SCNN1A: variants seen among roughly 807,000 people sequenced by gnomAD.
SCNN1A encodes epithelial sodium channel subunit alpha.
In SCNN1A, 65 loss-of-function variants were observed where a neutral mutation model predicts 68.6. That is an observed-to-expected ratio of 0.95 (90% CI 0.78 to 1.16). The LOEUF (loss-of-function observed/expected upper bound fraction) is 1.16. SCNN1A is among the 50% of genes most tolerant of loss of function. SCNN1A has a pLI of 0.00. For synonymous variants in SCNN1A, 357 were observed against 353.3 expected, an observed-to-expected ratio of 1.01 and a Z score of -0.12; for missense variants, 880 against 865.9, an observed-to-expected ratio of 1.02 and a Z score of -0.20.
intron 2 of SCNN1A, among the ~76,000 whole-genome samples, chr12:6,371,543 G>A: frequency 8.0e-6 from 1 of 124,462 alleles, no homozygotes; most frequent in Admixed American, 8.1e-5. Flanking sequence ...GGGGGTGGGG[G>A]TGAGGGTGGA....
intron 4 of SCNN1A, chr12:6,356,377 T>C (rs1389105913): frequency 1.9e-5 from 4 of 208,294 alleles, no homozygotes; most frequent in East Asian, 2.2e-4. Flanking sequence ...TCTGGGTTAG[T>C]TGCATAGATC....
chr12:6,360,945 C>T (rs557904589), intron 4 of SCNN1A, among the ~76,000 whole-genome samples: 19 of 152,354 alleles, frequency 1.2e-4, no homozygotes, highest in African/African-American at 3.8e-4. Context: ...GGGCAAGTCA[C>T]TTCACCTGTT....
chr12:6,354,423 TC>T lies in SCNN1A; in HGVS notation c.1360+14del, dbSNP rs1247106178. On this transcript the variant is annotated intron_variant, in intron 8 of 12. Transcript: ENST00000228916. The stretch of plus-strand genomic sequence containing the variant: ...GGGGTCAGTGGGGCAGGGTGGGGGC[TC>T]CCTGGAGTCTCACCCCAGGAACTGT... The T allele has an allele frequency of 1.3e-6, 2 of 1,564,726 alleles. No homozygotes were observed. The highest frequency in any genetic ancestry group is 2.2e-5 in the East Asian group (1 of 44,614).
chr12:6,365,448 T>C (rs1948660195), intron 2 of SCNN1A, among the ~76,000 whole-genome samples: 1 of 152,260 alleles, frequency 6.6e-6, no homozygotes, highest in South Asian at 2.1e-4. Flanking sequence ...CTCCTGACTT[T>C]AGTATTTACT....
chr12:6,355,126 C>A, intron 6 of SCNN1A, 146 bp downstream of exon 6: 1 of 930,404 alleles, frequency 1.1e-6, no homozygotes, highest in South Asian at 1.4e-5. Flanking sequence ...CAGTGCCAGC[C>A]CCTCTGCCCC....
rs573376286 is a variant in SCNN1A, at chr12:6,354,437, C to A, written c.1360+1G>T. 4 of 1,607,750 alleles carry A rather than the reference C, an allele frequency of 2.5e-6. No individual in the cohort carries two copies. Among genetic ancestry groups the A allele is most frequent in the Non-Finnish European group, 2.6e-6 (3 of 1,175,730 alleles). On this transcript the variant is annotated splice_donor_variant, in intron 8 of 12. Coordinates refer to ENST00000228916, the MANE Select transcript of SCNN1A (RefSeq NM_001038.6). LOFTEE classifies it high-confidence loss of function. ...AGGGTGGGGGCTCCCTGGAGTCTCA[C>A]CCCAGGAACTGTGCTTTCTGTAGTC...
intron 1 of SCNN1A, chr12:6,375,179 T>G: frequency 6.9e-7 from 1 of 1,454,942 alleles, no homozygotes; most frequent in Non-Finnish European, 9.0e-7. Context: ...CCAGGATCTG[T>G]GTCTCAGCTC....
At chr12:6,359,477 G>A (rs906305561) in intron 4 of SCNN1A, among the ~76,000 whole-genome samples, 3 of 152,146 alleles carry the variant, frequency 2.0e-5, no homozygotes, top group African/African-American at 7.2e-5. Context: ...GATCCTAGCT[G>A]GGAGGTGTTT....
In SCNN1A at chr12:6,351,869, C is replaced by T. The variant is rs892360230; in HGVS notation, c.1361-2464G>A. On this transcript the variant is annotated intron_variant, in intron 8 of 12. Coordinates refer to ENST00000228916, the MANE Select transcript of SCNN1A (RefSeq NM_001038.6). The surrounding 1 kb of genome is among the most constrained non-coding windows in gnomAD (Gnocchi z 4.2). ...TGACCTCCTGGGCTCAGGTGATTCT[C>T]CCAGCTCAGCCTCCCAAGTGGCTGG... Among the ~76,000 whole-genome samples, 5 of 152,034 alleles carry T rather than the reference C, an allele frequency of 3.3e-5. No homozygotes were observed. The highest frequency in any genetic ancestry group is 7.4e-5 in the Non-Finnish European group (5 of 68,020).
chr12:6,352,142 G>A (rs1160544621), intron 8 of SCNN1A, among the ~76,000 whole-genome samples: 2 of 152,058 alleles, frequency 1.3e-5, no homozygotes, highest in African/African-American at 2.4e-5. Flanking sequence ...TACTTAAAAC[G>A]TAAAATTAAA....
chr12:6,377,190 T>C (rs943409549), upstream of SCNN1A: 5 of 1,448,416 alleles, frequency 3.5e-6, no homozygotes, highest in East Asian at 1.0e-4. Context: ...GGCAGTCTCT[T>C]GCGACTTCTT....
chr12:6,350,844 T>TAATA (rs138838604), intron 8 of SCNN1A, among the ~76,000 whole-genome samples: 1,534 of 150,780 alleles, frequency 0.01, 14 homozygotes, highest in South Asian at 0.031. Context: ...TCAAAATAAA[T>TAATA]AATAAATAAA....
chr12:6,369,400 C>G (rs555102482), intron 2 of SCNN1A, among the ~76,000 whole-genome samples: 51 of 152,266 alleles, frequency 3.3e-4, no homozygotes, highest in Admixed American at 7.2e-4. Context: ...ATGAGCCCCC[C>G]CACTGAGCAC....
chr12:6,369,651 C>G (rs1051648572), intron 2 of SCNN1A, among the ~76,000 whole-genome samples: 5 of 151,948 alleles, frequency 3.3e-5, no homozygotes, highest in African/African-American at 1.2e-4. Flanking sequence ...GCTAACACGG[C>G]GAAACCCCGT....
chr12:6,372,222 C>T lies in SCNN1A; in HGVS notation c.416+2146G>A, dbSNP rs561310721. Among the ~76,000 whole-genome samples the T allele has an allele frequency of 2.6e-5, 4 of 152,280 alleles. No individual in the cohort carries two copies. In the South Asian group the frequency reaches 8.3e-4, roughly 32 times the overall value. ...TCCTCTTGCCAAGCCTTAATTTCCT[C>T]ATCTAAAAAAATGGGAATAATACTG... On this transcript the variant is annotated intron_variant, in intron 2 of 12. Transcript: ENST00000228916. This position sits in a 1 kb window ranked among gnomAD's most constrained non-coding sequence, Gnocchi z 5.8.
At chr12:6,377,149 G>T (rs770343918), upstream of SCNN1A, 256 of 922,534 alleles carry the variant, frequency 2.8e-4, no homozygotes, top group Non-Finnish European at 3.7e-4. Flanking sequence ...CAGGCTCAGG[G>T]TCCAACCTGG....
intron 2 of SCNN1A, among the ~76,000 whole-genome samples, chr12:6,371,550 T>A (rs1592085044): frequency 3.4e-5 from 1 of 29,064 alleles, no homozygotes; most frequent in African/African-American, 1.4e-4. Context: ...GGGGTGAGGG[T>A]GGACGGTGGG....
chr12:6,352,926 TC>T (rs1460783587), intron 8 of SCNN1A, among the ~76,000 whole-genome samples: 1 of 152,142 alleles, frequency 6.6e-6, no homozygotes, highest in Non-Finnish European at 1.5e-5. Context: ...CCATGTCCCC[TC>T]CCGTGATGGC....
In SCNN1A at chr12:6,362,083, G is replaced by A. The variant is rs1948589651; in HGVS notation, c.843C>T (p.Ala281=). ...EEDTLGNFIF[A]CRFNQVSCNQ... ...TGCAGGAGACCTGGTTGAAGCGGCA[G>A]GCGAAGATGAAGTTGCCCAGCGTGT... Residue 281 remains alanine (A), a synonymous_variant, in exon 4 of 13, where the codon GCC becomes GCT. Transcript: ENST00000228916. The A allele has an allele frequency of 6.2e-7, 1 of 1,614,140 alleles. No homozygotes were observed. The highest frequency in any genetic ancestry group is 8.5e-7 in the Non-Finnish European group (1 of 1,180,058).
Sources: gnomAD v4.1 joint callset for allele counts (sites outside exome capture counted in the v4.1 genomes callset) on GRCh38, gnomAD v4.1.1 for gene constraint, Gnocchi (gnomAD v3.1) non-coding constraint, MANE v1.5 for transcripts, NCBI Gene and HGNC (gene_info 2026-07-23, HGNC 2026-07-21) for gene names.